FER: variants seen among roughly 807,000 people sequenced by gnomAD.
The protein encoded by FER is tyrosine-protein kinase Fer.
A neutral mutation model predicts 111.0 loss-of-function variants in FER; 63 were observed. That is an observed-to-expected ratio of 0.57 (90% confidence interval 0.46 to 0.70). The LOEUF (loss-of-function observed/expected upper bound fraction) is 0.70, where lower values mean the gene tolerates loss of function less well. FER is among the 30% of genes least tolerant of loss of function. The probability of loss-of-function intolerance (pLI) is 0.00; values close to 1 mark genes in which losing one functional copy is unlikely to be tolerated. For synonymous variants in FER, 327 were observed against 313.9 expected (o/e 1.04, Z -0.44); for missense variants, 914 against 954.0 (o/e 0.96, Z 0.55).
chr5:108,946,145 C>G lies in FER; in HGVS notation c.1252C>G (p.Leu418Val). The G allele has an allele frequency of 6.2e-7, 1 of 1,611,840 alleles. No individual in the cohort carries two copies. The highest frequency in any genetic ancestry group is 8.5e-7 in the Non-Finnish European group (1 of 1,178,512). The change falls in exon 11 of 20, where the codon CTA becomes GTA. Residue 418 changes from leucine (L) to valine (V), a missense_variant. By Grantham distance (32) the Leu-to-Val change is conservative. Coordinates refer to ENST00000281092, the MANE Select transcript of FER (RefSeq NM_005246.4). ...ATCCCTCCAGGAAAGAAAGGAGAGG[C>G]TATCCAAATTTGAATCTATTCGTCA... Reference protein sequence around the residue: ...SVTSMERKERLSKFESIRHSI... With the variant: ...SVTSMERKERVSKFESIRHSI...
intron 17 of FER, among the ~76,000 whole-genome samples, chr5:109,142,646 G>T (rs1582226575): frequency 6.6e-6 from 1 of 152,182 alleles, no homozygotes; most frequent in East Asian, 1.9e-4. Context: ...TACAGTATAT[G>T]GTATGGTTTG....
chr5:108,790,273 A>ACACACACT (rs55895238), intron 2 of FER, among the ~76,000 whole-genome samples: 2 of 141,848 alleles, frequency 1.4e-5, no homozygotes, highest in East Asian at 2.2e-4. Context: ...ACACACACAC[A>ACACACACT]CTCTTACATA....
At chr5:108,933,902 G>A (rs1755067540) in intron 10 of FER, among the ~76,000 whole-genome samples, 1 of 152,106 alleles carries the variant, frequency 6.6e-6, no homozygotes, top group South Asian at 2.1e-4. Flanking sequence ...TTGGCTGTTT[G>A]TCTATTATTG....
At chr5:108,793,677 A>G (rs1016355674) in intron 2 of FER, among the ~76,000 whole-genome samples, 6 of 151,510 alleles carry the variant, frequency 4.0e-5, no homozygotes, top group Non-Finnish European at 7.4e-5. Context: ...CATCCTTACT[A>G]TTTGTTTTCT....
chr5:109,181,965 C>T (rs1204391776), intron 18 of FER, among the ~76,000 whole-genome samples: 1 of 152,150 alleles, frequency 6.6e-6, no homozygotes, highest in Non-Finnish European at 1.5e-5. Context: ...TGTGGATTTA[C>T]CTATTCTGGG....
intron 3 of FER, among the ~76,000 whole-genome samples, chr5:108,815,918 G>A (rs575580007): frequency 2.0e-5 from 3 of 152,018 alleles, no homozygotes; most frequent in South Asian, 2.1e-4. Flanking sequence ...CTATACCACC[G>A]GATTTGAAAA....
chr5:108,870,286 C>T (rs2150243571), intron 6 of FER, among the ~76,000 whole-genome samples: 1 of 152,128 alleles, frequency 6.6e-6, no homozygotes, highest in East Asian at 1.9e-4. Context: ...CATTTTTCCT[C>T]CCCATTTGTA....
At chr5:109,186,371 A>G (rs745471751) in intron 19 of FER, 49 bp downstream of exon 19, 6 of 1,613,688 alleles carry the variant, frequency 3.7e-6, no homozygotes, top group Non-Finnish European at 5.1e-6. Flanking sequence ...CCCCAGGGGT[A>G]GGCAGTGCTT....
intron 13 of FER, among the ~76,000 whole-genome samples, chr5:109,004,387 G>A (rs1036349370): frequency 2.0e-5 from 3 of 151,988 alleles, no homozygotes; most frequent in Non-Finnish European, 4.4e-5. Context: ...GCTATTTCTA[G>A]GAATGTATTA....
chr5:109,080,101 A>G (rs1422585188), intron 16 of FER, among the ~76,000 whole-genome samples: 3 of 152,132 alleles, frequency 2.0e-5, no homozygotes, highest in South Asian at 2.1e-4. Context: ...AATCCCAATT[A>G]TACATAGCAT....
chr5:109,075,156 CTG>C (rs753123805), intron 16 of FER, among the ~76,000 whole-genome samples: 4 of 152,214 alleles, frequency 2.6e-5, no homozygotes, highest in Non-Finnish European at 5.9e-5. Flanking sequence ...GTTTACGCTG[CTG>C]TCTCTTTTCT....
chr5:108,791,233 G>T (rs1580549252), intron 2 of FER, among the ~76,000 whole-genome samples: 1 of 152,080 alleles, frequency 6.6e-6, no homozygotes, highest in Non-Finnish European at 1.5e-5. Context: ...ACTCTTTTCC[G>T]CAGTGGTTGC....
At chr5:109,129,295 T>G (rs1752092749) in intron 17 of FER, among the ~76,000 whole-genome samples, 3 of 152,028 alleles carry the variant, frequency 2.0e-5, no homozygotes, top group African/African-American at 7.2e-5. Context: ...TATGGAAAAT[T>G]TGTTACAGTT....
chr5:108,764,453 A>T (rs1379001893), intron 1 of FER, among the ~76,000 whole-genome samples: 1 of 152,138 alleles, frequency 6.6e-6, no homozygotes, highest in African/African-American at 2.4e-5. Context: ...ACTGCAGTGC[A>T]GTGACGCCAT....
intron 17 of FER, among the ~76,000 whole-genome samples, chr5:109,154,893 T>C (rs535221302): frequency 1.3e-5 from 2 of 152,034 alleles, no homozygotes; most frequent in South Asian, 4.1e-4. Context: ...CTCAGTGGCT[T>C]CGTGTATAAA....
At chr5:109,186,111 G>A (rs944056898) in intron 18 of FER, 89 bp from the exon 19 acceptor site, 1 of 1,556,264 alleles carries the variant, frequency 6.4e-7, no homozygotes, top group Admixed American at 1.7e-5. Context: ...ATTATGTGGT[G>A]CATGACTGAC....
intron 17 of FER, among the ~76,000 whole-genome samples, chr5:109,120,202 C>A (rs542453748): frequency 4.4e-4 from 67 of 152,076 alleles, no homozygotes; most frequent in Non-Finnish European, 6.8e-4. Flanking sequence ...GGAGAGTTTC[C>A]CCAATGTTTT....
intron 5 of FER, among the ~76,000 whole-genome samples, chr5:108,855,267 TAAAAA>T (rs2150198074): frequency 6.6e-6 from 1 of 151,998 alleles, no homozygotes; most frequent in East Asian, 1.9e-4. Context: ...TAAATGAAGA[TAAAAA>T]AGAGAAGAGT....
At position 109,186,280 on chromosome 5, in the gene FER, C is replaced by T; in HGVS notation, c.2284C>T (p.Pro762Ser). 6.2e-7 allele frequency: 1 copy of T among 1,614,012 alleles called. No homozygotes were observed. ...ETFSLGVCPY[P>S]GMTNQQAREQ... ...CTTCAGCTTAGGGGTTTGTCCGTAC[C>T]CTGGAATGACAAATCAGCAAGCAAG... is the stretch of plus-strand genomic sequence containing the variant. The change falls in exon 19 of 20, where the codon CCT (proline) becomes TCT (serine). Residue 762 changes from proline (P) to serine (S), a missense_variant. Pro to Ser is a moderately conservative substitution (Grantham distance 74, BLOSUM62 -1). Around this residue, in one of 3 missense-constraint regions of FER, gnomAD observed 134 missense variants for 149.4 expected, o/e 0.90. Transcript: ENST00000281092.
Sources: allele counts gnomAD v4.1 joint callset (sites outside exome capture counted in the v4.1 genomes callset), GRCh38; gene constraint gnomAD v4.1.1; regional missense constraint gnomAD v4.1.1; transcripts MANE v1.5; gene names NCBI Gene and HGNC (gene_info 2026-07-23, HGNC 2026-07-21).